Variants in ADAM32 observed in about 807,000 individuals in gnomAD.
ADAM32 encodes disintegrin and metalloproteinase domain-containing protein 32.
A neutral mutation model predicts 114.9 loss-of-function variants in ADAM32; 89 were observed. The ratio of observed to expected loss-of-function variants is 0.77; its 90% CI spans 0.65 to 0.92. The LOEUF is 0.92. Ranked by LOEUF, ADAM32 falls within the 40% of genes least tolerant of loss-of-function variation. The probability of loss-of-function intolerance (pLI) is 0.00; values close to 1 mark genes in which losing one functional copy is unlikely to be tolerated. For synonymous variants in ADAM32, 285 were observed against 307.5 expected, an observed-to-expected ratio of 0.93 and a Z score of 0.77; for missense variants, 870 against 932.8, an observed-to-expected ratio of 0.93 and a Z score of 0.88.
At chr8:39,164,178 A>G (rs754068876) in intron 7 of ADAM32, among the ~76,000 whole-genome samples, 3 of 152,200 alleles carry the variant, frequency 2.0e-5, no homozygotes, top group Non-Finnish European at 4.4e-5. Context: ...GGTGTCCACT[A>G]AGCCATTCTC....
intron 6 of ADAM32, among the ~76,000 whole-genome samples, chr8:39,157,304 G>C (rs1022899704): frequency 1.3e-5 from 2 of 152,112 alleles, no homozygotes; most frequent in African/African-American, 4.8e-5. Context: ...AGTTTGTTAA[G>C]CTTCTTGGAT....
chr8:39,183,374 G>T (rs942806529), intron 10 of ADAM32, among the ~76,000 whole-genome samples: 1 of 152,176 alleles, frequency 6.6e-6, no homozygotes, highest in East Asian at 1.9e-4. Context: ...GAAGTTAAAT[G>T]TCTGCCTCTA....
rs762034708 is a variant in ADAM32 at position 39,223,200 on chromosome 8, A to G, written c.1487A>G (p.His496Arg). The part of the protein sequence containing the change: ...NKFICYDGDC[H>R]DLDARCESVF... Reference sequence around the variant, plus strand: ...TTTATTTGTTATGACGGAGACTGCCATGATCTCGATGCACGTTGTGAGAGT... The same window carrying G: ...TTTATTTGTTATGACGGAGACTGCCGTGATCTCGATGCACGTTGTGAGAGT... Residue 496 changes from histidine to arginine, a missense_variant, in exon 14 of 25, where the codon CAT becomes CGT. Coordinates refer to ENST00000379907, the MANE Select transcript of ADAM32 (RefSeq NM_145004.7). 3.8e-6 allele frequency: 6 copies of G among 1,598,056 alleles called. No homozygotes were observed. The highest frequency in any genetic ancestry group is 5.1e-6 in the Non-Finnish European group (6 of 1,173,258).
chr8:39,232,915 A>G (rs954418412), intron 15 of ADAM32, among the ~76,000 whole-genome samples: 1 of 152,222 alleles, frequency 6.6e-6, no homozygotes, highest in African/African-American at 2.4e-5. Context: ...CATAAACCAT[A>G]GTAAGAGTAT....
intron 2 of ADAM32, among the ~76,000 whole-genome samples, chr8:39,130,559 G>T (rs1011994620): frequency 7.9e-5 from 12 of 152,060 alleles, no homozygotes; most frequent in African/African-American, 2.9e-4. Flanking sequence ...TACAAGCATT[G>T]CTTTAGCTGG....
At chr8:39,207,006 C>A (rs890851672) in intron 11 of ADAM32, among the ~76,000 whole-genome samples, 4 of 152,088 alleles carry the variant, frequency 2.6e-5, no homozygotes, top group African/African-American at 9.7e-5. Context: ...CTATACTAAT[C>A]TCAGAGCCTG....
chr8:39,140,487 A>G (rs1250005797), intron 3 of ADAM32, among the ~76,000 whole-genome samples: 2 of 152,212 alleles, frequency 1.3e-5, no homozygotes, highest in Non-Finnish European at 2.9e-5. Context: ...CCAGCCTTGC[A>G]TCCCAGGGAT....
At chr8:39,221,905 C>T (rs1226716011) in intron 13 of ADAM32, among the ~76,000 whole-genome samples, 1 of 151,882 alleles carries the variant, frequency 6.6e-6, no homozygotes, top group Non-Finnish European at 1.5e-5. Context: ...TAAGTTGATG[C>T]TGTTTTTTTA....
chr8:39,226,759 C>A (rs1451588003), intron 14 of ADAM32, among the ~76,000 whole-genome samples: 1 of 152,052 alleles, frequency 6.6e-6, no homozygotes, highest in African/African-American at 2.4e-5. Flanking sequence ...TATCTTACAA[C>A]AAATGTCAAT....
In ADAM32 at chr8:39,238,157, G is replaced by A. The variant is rs1810311149; in HGVS notation, c.1818+4075G>A. On this transcript the variant is annotated intron_variant, in intron 16 of 24. Transcript: ENST00000379907. ...TGCACTAAACAAGACTATAACCAAG[G>A]ACTCTCACAGAATCTACTTCACTCC... Among the ~76,000 whole-genome samples the A allele has an allele frequency of 5.9e-5, 9 of 152,280 alleles. 1 individual carries two copies. In the South Asian group the frequency reaches 1.9e-3, roughly 32 times the overall value.
rs1036179321 is a variant in ADAM32 at position 39,234,143 on chromosome 8, T to G, written c.1818+61T>G. ...TTATTTATTGTTTTCATCTTTTTAT[T>G]TAAGTATCAAATTTTAATTTAGTGC... is the stretch of plus-strand genomic sequence containing the variant. On this transcript the variant is annotated intron_variant, in intron 16 of 24. Transcript: ENST00000379907. The G allele has an allele frequency of 4.8e-5, 55 of 1,152,296 alleles. No individual in the cohort carries two copies. In the African/African-American group the frequency reaches 8.1e-4, roughly 17 times the overall value. 71.4% of individuals were successfully genotyped at this position (1,152,296 alleles called of 1,614,324 possible).
At chr8:39,234,149 A>G (rs894205902) in intron 16 of ADAM32, 67 bp downstream of exon 16, 10 of 1,129,448 alleles carry the variant, frequency 8.9e-6, no homozygotes, top group African/African-American at 1.6e-5. Flanking sequence ...TTATTTAAGT[A>G]TCAAATTTTA....
At chr8:39,162,246 T>C (rs1404654363) in intron 7 of ADAM32, among the ~76,000 whole-genome samples, 1 of 146,624 alleles carries the variant, frequency 6.8e-6, no homozygotes, top group Non-Finnish European at 1.5e-5. Context: ...CACCTATGAG[T>C]GAGAACATGC....
Position 39,281,147 on chromosome 8 carries a change from A to T in ADAM32, c.2291A>T (p.Glu764Val), listed in dbSNP as rs1194082023. 7.4e-7 allele frequency: 1 copy of T among 1,354,008 alleles called. No individual in the cohort carries two copies. The highest frequency in any genetic ancestry group is 1.9e-5 in the South Asian group (1 of 51,762). The allele number at this position is 1,354,008 out of a possible 1,614,324, so 83.9% of individuals were successfully genotyped here. A position where few individuals can be genotyped will look rare whatever the true frequency, so the allele number is the denominator to read the frequency against. The change falls in exon 23 of 25, where the codon GAA becomes GTA. Residue 764 changes from glutamate (E) to valine (V), a missense_variant. Physicochemically the swap from Glu to Val is moderately radical, Grantham distance 121. Transcript: ENST00000379907. ...SQADTSKSKS[E>V]DSAEAYTSRS... The stretch of plus-strand genomic sequence containing the variant: ...TAATTTATTTTTAGATCCAAATCAG[A>T]AGATAGTGCTGAAGCATATACTAGC...
At chr8:39,151,057 A>T (rs1443609207) in intron 5 of ADAM32, among the ~76,000 whole-genome samples, 2 of 121,942 alleles carry the variant, frequency 1.6e-5, no homozygotes, top group African/African-American at 5.2e-5. Context: ...AGTCATCATG[A>T]TTTCTGTTTA....
intron 15 of ADAM32, among the ~76,000 whole-genome samples, chr8:39,232,738 T>C (rs1809830564): frequency 6.6e-6 from 1 of 152,182 alleles, no homozygotes; most frequent in South Asian, 2.1e-4. Flanking sequence ...GAGCTTTGAC[T>C]CAGATGGTGT....
chr8:39,233,093 G>A (rs1056250386), intron 15 of ADAM32, among the ~76,000 whole-genome samples: 6 of 152,100 alleles, frequency 3.9e-5, no homozygotes, highest in East Asian at 1.9e-4. Context: ...GTCTGAATAC[G>A]GACCCCAAGA....
chr8:39,206,494 A>G (rs905325487), intron 11 of ADAM32, among the ~76,000 whole-genome samples: 5 of 152,208 alleles, frequency 3.3e-5, no homozygotes, highest in African/African-American at 1.2e-4. Flanking sequence ...ACAGCATGTT[A>G]TCAGGCCAGT....
chr8:39,267,950 C>A (rs1003281752), intron 19 of ADAM32, among the ~76,000 whole-genome samples: 1 of 152,102 alleles, frequency 6.6e-6, no homozygotes, highest in Non-Finnish European at 1.5e-5. Context: ...CCAGGGCAGG[C>A]GGACACAGTG....
Sources: allele counts gnomAD v4.1 joint callset (sites outside exome capture counted in the v4.1 genomes callset), GRCh38; gene constraint gnomAD v4.1.1; transcripts MANE v1.5; gene names NCBI Gene and HGNC (gene_info 2026-07-23, HGNC 2026-07-21).